The following PTPRD variants were observed in gnomAD, a reference collection of about 807,000 sequenced individuals.
PTPRD encodes the protein receptor-type tyrosine-protein phosphatase delta.
PTPRD carries 34 observed loss-of-function variants against 214.5 expected under a neutral mutation model. The ratio of observed to expected loss-of-function variants is 0.16; its 90% confidence interval spans 0.12 to 0.21. PTPRD has a LOEUF of 0.21. PTPRD is among the 10% of genes least tolerant of loss of function. The pLI is 1.00. For missense variants in PTPRD, 2,545 were observed against 2,398.7 expected, an observed-to-expected ratio of 1.06 and a Z score of -1.27; for synonymous variants, 1,128 against 845.7, an observed-to-expected ratio of 1.33 and a Z score of -5.79.
At chr9:9,256,341 C>G (rs1015928465) in intron 9 of PTPRD, among the ~76,000 whole-genome samples, 3 of 152,002 alleles carry the variant, frequency 2.0e-5, no homozygotes, top group Non-Finnish European at 4.4e-5. Context: ...CTTCACATTT[C>G]TTTTATCTCC....
At chr9:8,550,322 C>T (rs1483871447) in intron 14 of PTPRD, among the ~76,000 whole-genome samples, 4 of 152,110 alleles carry the variant, frequency 2.6e-5, no homozygotes, top group Non-Finnish European at 5.9e-5. Flanking sequence ...TGATTTAATG[C>T]ATGTATGGCA....
intron 7 of PTPRD, among the ~76,000 whole-genome samples, chr9:9,656,043 T>C (rs1361510995): frequency 6.6e-6 from 1 of 152,104 alleles, no homozygotes; most frequent in East Asian, 1.9e-4. Context: ...TCATATGACA[T>C]TAAGAAAGTG....
intron 10 of PTPRD, among the ~76,000 whole-genome samples, chr9:9,104,646 A>C (rs2099796016): frequency 6.6e-6 from 1 of 152,192 alleles, no homozygotes; most frequent in Admixed American, 6.5e-5. Flanking sequence ...CAGGAGCTTA[A>C]AGATAAGTTC....
intron 11 of PTPRD, among the ~76,000 whole-genome samples, chr9:9,011,660 A>G (rs1220178743): frequency 6.6e-6 from 1 of 152,152 alleles, no homozygotes; most frequent in Non-Finnish European, 1.5e-5. Flanking sequence ...TACTTTAGTA[A>G]ACTAGTATAA....
intron 2 of PTPRD, among the ~76,000 whole-genome samples, chr9:10,605,990 T>C (rs1362616825): frequency 2.0e-5 from 3 of 151,840 alleles, no homozygotes; most frequent in African/African-American, 7.2e-5. Flanking sequence ...AGTTTGAAAA[T>C]AGAAGAGGGT....
intron 3 of PTPRD, among the ~76,000 whole-genome samples, chr9:10,317,683 C>T (rs182587932): frequency 6.6e-6 from 1 of 151,750 alleles, no homozygotes; most frequent in East Asian, 1.9e-4. Flanking sequence ...ATGTTGCAAC[C>T]TATTCATATA....
At chr9:10,267,805 T>G (rs1171075437) in intron 3 of PTPRD, among the ~76,000 whole-genome samples, 3 of 152,168 alleles carry the variant, frequency 2.0e-5, no homozygotes, top group Non-Finnish European at 2.9e-5. Flanking sequence ...CTGTATACAT[T>G]TAATAAACTA....
chr9:8,931,665 G>A (rs1320565353), intron 11 of PTPRD, among the ~76,000 whole-genome samples: 1 of 152,084 alleles, frequency 6.6e-6, no homozygotes, highest in Non-Finnish European at 1.5e-5. Flanking sequence ...GTATCACGAT[G>A]ATGCATGTCT....
intron 6 of PTPRD, among the ~76,000 whole-genome samples, chr9:9,741,206 A>T (rs1021251495): frequency 6.6e-6 from 1 of 152,220 alleles, no homozygotes; most frequent in South Asian, 2.1e-4. Context: ...CTGTACATGT[A>T]AATCTGTGGC....
chr9:8,321,518 TATATATATAAAA>T (rs1418814460), intron 44 of PTPRD, among the ~76,000 whole-genome samples: 1 of 131,556 alleles, frequency 7.6e-6, no homozygotes, highest in African/African-American at 2.9e-5. Flanking sequence ...TATATATATA[TATATATATAAAA>T]GGTATATGCA....
At chr9:9,642,383 T>C (rs992898212) in intron 7 of PTPRD, among the ~76,000 whole-genome samples, 5 of 151,448 alleles carry the variant, frequency 3.3e-5, no homozygotes, top group Non-Finnish European at 5.9e-5. Context: ...ACCTGCACAA[T>C]GTGCACATGT....
intron 2 of PTPRD, among the ~76,000 whole-genome samples, chr9:10,507,660 C>T (rs2133582272): frequency 6.6e-6 from 1 of 152,252 alleles, no homozygotes; most frequent in Non-Finnish European, 1.5e-5. Context: ...CTACAACCAT[C>T]TAATCTTTGA....
At chr9:9,364,983 G>A (rs2057449633) in intron 9 of PTPRD, among the ~76,000 whole-genome samples, 1 of 151,442 alleles carries the variant, frequency 6.6e-6, no homozygotes. Context: ...CATTGAGATT[G>A]TACATCTCAC....
intron 39 of PTPRD, among the ~76,000 whole-genome samples, chr9:8,343,269 A>G (rs1226191364): frequency 6.6e-6 from 1 of 152,102 alleles, no homozygotes; most frequent in Non-Finnish European, 1.5e-5. Context: ...AATTTGATAT[A>G]ACCACTACTT....
At chr9:9,132,645 T>C (rs1292189804) in intron 10 of PTPRD, among the ~76,000 whole-genome samples, 1 of 152,180 alleles carries the variant, frequency 6.6e-6, no homozygotes, top group Non-Finnish European at 1.5e-5. Context: ...CTTTCTAATT[T>C]AATTAAAAGG....
chr9:8,444,747 T>C (rs1381548020), intron 34 of PTPRD, among the ~76,000 whole-genome samples: 1 of 152,150 alleles, frequency 6.6e-6, no homozygotes, highest in Non-Finnish European at 1.5e-5. Flanking sequence ...CCAATAAACA[T>C]GTTGCTTTTG....
intron 3 of PTPRD, among the ~76,000 whole-genome samples, chr9:10,221,671 T>C (rs2099571552): frequency 6.6e-6 from 1 of 152,044 alleles, no homozygotes; most frequent in Non-Finnish European, 1.5e-5. Context: ...TAAATAGATG[T>C]ATTTTTAAGA....
At chr9:8,374,709 A>C (rs1480491385) in intron 39 of PTPRD, among the ~76,000 whole-genome samples, 1 of 152,058 alleles carries the variant, frequency 6.6e-6, no homozygotes, top group East Asian at 1.9e-4. Context: ...GAGTGCTTTG[A>C]AATTAGTAAA....
intron 12 of PTPRD, among the ~76,000 whole-genome samples, chr9:8,643,439 ATGAG>A (rs2096619777): frequency 6.6e-6 from 1 of 152,226 alleles, no homozygotes; most frequent in Non-Finnish European, 1.5e-5. Context: ...CACTGAGGTT[ATGAG>A]TGAGAGAACT....
Sources: gnomAD v4.1 joint callset for allele counts (sites outside exome capture counted in the v4.1 genomes callset) on GRCh38, gnomAD v4.1.1 for gene constraint, MANE v1.5 for transcripts, NCBI Gene and HGNC (gene_info 2026-07-23, HGNC 2026-07-21) for gene names.